Variants in CD36 observed in about 807,000 individuals in gnomAD.
CD36 encodes platelet glycoprotein 4.
In CD36, 119 loss-of-function variants were observed where a neutral mutation model predicts 55.2. The ratio of observed to expected loss-of-function variants is 2.15; its 90% CI spans 1.86 to 2.51. The LOEUF is 2.51. CD36 is among the 30% of genes most tolerant of loss of function. The probability of loss-of-function intolerance (pLI) is 0.00; values close to 1 mark genes in which losing one functional copy is unlikely to be tolerated. For missense variants in CD36, 819 were observed against 555.5 expected, an observed-to-expected ratio of 1.47 and a Z score of -4.77; for synonymous variants, 186 against 193.6, an observed-to-expected ratio of 0.96 and a Z score of 0.33.
At chr7:80,612,416 G>T (rs771389060) in intron 1 of CD36, among the ~76,000 whole-genome samples, 4 of 151,988 alleles carry the variant, frequency 2.6e-5, no homozygotes, top group Non-Finnish European at 2.9e-5. Flanking sequence ...TTATGCCTTT[G>T]GCATATATAA....
In CD36 at chr7:80,669,950, C is replaced by A. The variant is rs761501280; in HGVS notation, c.749-3C>A. 1.9e-6 allele frequency: 3 copies of A among 1,608,684 alleles called. No individual in the cohort carries two copies. Among genetic ancestry groups the A allele is most frequent in the Non-Finnish European group, 2.6e-6 (3 of 1,175,212 alleles). ...AATCATTTGCCACTCGATTTTTAAA[C>A]AGATGCAGCCTCATTTCCACCTTTT... On this transcript the variant is annotated splice_region_variant and splice_polypyrimidine_tract_variant and intron_variant, in intron 8 of 14. Transcript: ENST00000447544.
At chr7:80,669,157 G>A (rs1797402654) in intron 8 of CD36, among the ~76,000 whole-genome samples, 1 of 152,078 alleles carries the variant, frequency 6.6e-6, no homozygotes, top group African/African-American at 2.4e-5. Context: ...TGGTGGGGTA[G>A]GGCATTTCAA....
At chr7:80,605,374 T>G (rs1466678498) in intron 1 of CD36, among the ~76,000 whole-genome samples, 1 of 152,132 alleles carries the variant, frequency 6.6e-6, no homozygotes, top group East Asian at 1.9e-4. Context: ...AAACTTTTGA[T>G]GAAGGTTAAC....
chr7:80,644,715 A>G (rs1795028659), intron 1 of CD36, among the ~76,000 whole-genome samples: 1 of 152,182 alleles, frequency 6.6e-6, no homozygotes, highest in Non-Finnish European at 1.5e-5. Flanking sequence ...AAATTATAAC[A>G]AACCACAATT....
At chr7:80,613,731 G>C (rs1350119383) in intron 1 of CD36, among the ~76,000 whole-genome samples, 1 of 152,096 alleles carries the variant, frequency 6.6e-6, no homozygotes, top group East Asian at 1.9e-4. Flanking sequence ...CAGCAGTTTT[G>C]ATTCTTAAAT....
At chr7:80,675,893 G>A (rs1798143870) in intron 14 of CD36, among the ~76,000 whole-genome samples, 1 of 152,098 alleles carries the variant, frequency 6.6e-6, no homozygotes, top group African/African-American at 2.4e-5. Context: ...TTGGTCTGAA[G>A]GGTGTGGAAA....
In CD36 at chr7:80,659,429, C is replaced by T. The variant is rs545856526; in HGVS notation, c.282-1634C>T. Among the ~76,000 whole-genome samples, 610 of 152,262 alleles carry T rather than the reference C, an allele frequency of 4.0e-3. 3 individuals are homozygous for T. The highest frequency in any genetic ancestry group is 6.5e-3 in the Non-Finnish European group (441 of 68,018). On this transcript the variant is annotated intron_variant, in intron 4 of 14. Coordinates refer to ENST00000447544, the MANE Select transcript of CD36 (RefSeq NM_001001548.3). ...CTCTATGAAGATGCTGTAATTCCTT[C>T]AGAATATTCTTAGATCTGTAATTCA...
At chr7:80,634,908 A>G (rs1300190689), upstream of CD36, among the ~76,000 whole-genome samples, 3 of 152,150 alleles carry the variant, frequency 2.0e-5, no homozygotes, top group East Asian at 5.8e-4. Context: ...ACATTTCTGT[A>G]AGTTACACAT....
At chr7:80,664,352 C>A in intron 6 of CD36, 54 bp from the exon 7 acceptor site, 2 of 947,792 alleles carry the variant, frequency 2.1e-6, no homozygotes, top group Non-Finnish European at 3.5e-6. Context: ...ATGTATTGTA[C>A]AACTTTGAAA....
chr7:80,662,115 C>A (rs1182450343), intron 5 of CD36, among the ~76,000 whole-genome samples: 1 of 152,204 alleles, frequency 6.6e-6, no homozygotes, highest in Non-Finnish European at 1.5e-5. Context: ...TATGAAGGCT[C>A]TGCATTAGCA....
chr7:80,649,454 T>A (rs757873244), intron 3 of CD36, among the ~76,000 whole-genome samples: 8 of 150,342 alleles, frequency 5.3e-5, no homozygotes, highest in Non-Finnish European at 1.0e-4. Context: ...GCACATTATA[T>A]AACAAAAGGC....
rs1390972168 is a variant in CD36, at chr7:80,678,385, CAGATT to C, written c.*2006_*2010del. 2.0e-5 allele frequency: 3 copies of C among 151,996 alleles called. No individual in the cohort carries two copies. Among genetic ancestry groups the C allele is most frequent in the African/African-American group, 4.8e-5 (2 of 41,356 alleles). The allele number at this position is 151,996 out of a possible 1,614,324, so 9.4% of individuals were successfully genotyped here. A position where few individuals can be genotyped will look rare whatever the true frequency, so the allele number is the denominator to read the frequency against. ...TCAATAGCGTCTGCAAATGGATTAACAGATTAGAGAATCAACAGCATCGGAAAATA... is the reference window on the plus strand; with the variant it reads ...TCAATAGCGTCTGCAAATGGATTAACAGAGAATCAACAGCATCGGAAAATA... On this transcript the variant is annotated 3_prime_UTR_variant, in exon 15 of 15. Transcript: ENST00000447544.
intron 1 of CD36, among the ~76,000 whole-genome samples, chr7:80,603,208 A>C (rs1013720434): frequency 2.6e-5 from 4 of 152,162 alleles, no homozygotes; most frequent in African/African-American, 9.6e-5. Flanking sequence ...AGTTATGCAT[A>C]TTTCGAGACA....
intron 3 of CD36, among the ~76,000 whole-genome samples, chr7:80,648,198 A>G (rs1795315627): frequency 6.6e-6 from 1 of 152,106 alleles, no homozygotes; most frequent in Admixed American, 6.6e-5. Context: ...GGGCTTATCT[A>G]ATAGTGGGAT....
At chr7:80,663,668 T>C (rs1008713292) in intron 6 of CD36, among the ~76,000 whole-genome samples, 7 of 152,134 alleles carry the variant, frequency 4.6e-5, no homozygotes, top group African/African-American at 1.7e-4. Flanking sequence ...ATAAGAATTT[T>C]TAGTAGTCCA....
In CD36 at chr7:80,631,303, A is replaced by G. The variant is rs77968686; in HGVS notation, c.-183-14785A>G. On this transcript the variant is annotated intron_variant, in intron 1 of 13. Coordinates refer to the CD36 transcript ENST00000309881. ...GGATGATAGACACTTTCATAAAGGC[A>G]GGGCTCATGATAACTAAACCTACAT... 7.2e-3 allele frequency among the ~76,000 whole-genome samples: 1,089 copies of G among 152,160 alleles called. 14 individuals carry two copies. Among genetic ancestry groups the G allele is most frequent in the African/African-American group, 0.025 (1,019 of 41,536 alleles).
At chr7:80,644,387 T>C (rs971980861) in intron 1 of CD36, among the ~76,000 whole-genome samples, 4 of 151,192 alleles carry the variant, frequency 2.6e-5, no homozygotes, top group Non-Finnish European at 5.9e-5. Context: ...TAGTCAGTCT[T>C]CTTAATCACC....
intron 14 of CD36, 193 bp downstream of exon 14, chr7:80,674,340 G>C: frequency 1.9e-6 from 1 of 540,312 alleles, no homozygotes; most frequent in South Asian, 2.1e-5. Flanking sequence ...CTTTAATTCT[G>C]GGAGAAATGA....
At chr7:80,619,929 G>A (rs1012597641) in intron 1 of CD36, among the ~76,000 whole-genome samples, 30 of 152,086 alleles carry the variant, frequency 2.0e-4, no homozygotes, top group African/African-American at 7.0e-4. Flanking sequence ...TAGAAGTGAA[G>A]CCTGAAGATG....
Sources: gnomAD v4.1 joint callset for allele counts (sites outside exome capture counted in the v4.1 genomes callset) on GRCh38, gnomAD v4.1.1 for gene constraint, MANE v1.5 for transcripts, NCBI Gene and HGNC (gene_info 2026-07-23, HGNC 2026-07-21) for gene names.